Variants in EHF observed in about 807,000 individuals in gnomAD.
EHF encodes ESE3 transcription factor.
A neutral mutation model predicts 45.1 loss-of-function variants in EHF; 14 were observed. The observed-to-expected ratio is 0.31, with a 90% CI of 0.21 to 0.49. EHF has a LOEUF of 0.49. EHF is among the 20% of genes least tolerant of loss of function. The pLI, the probability that EHF is intolerant of heterozygous loss-of-function variation, is 0.99. For synonymous variants in EHF, 136 were observed against 131.8 expected (o/e 1.03, Z -0.22); for missense variants, 282 against 371.4 (o/e 0.76, Z 1.98).
At chr11:34,634,612 G>C (rs1326881613) in intron 1 of EHF, among the ~76,000 whole-genome samples, 2 of 152,180 alleles carry the variant, frequency 1.3e-5, no homozygotes, top group South Asian at 2.1e-4. Context: ...AAACCATGCT[G>C]TCTGGCCTGA....
intron 2 of EHF, among the ~76,000 whole-genome samples, chr11:34,643,065 G>GT: frequency 6.9e-6 from 1 of 145,026 alleles, no homozygotes; most frequent in South Asian, 2.1e-4. Flanking sequence ...GGAGAGAAAG[G>GT]GTATGTGTGT....
intron 1 of EHF, among the ~76,000 whole-genome samples, chr11:34,635,917 G>C (rs1853360113): frequency 6.6e-6 from 1 of 152,116 alleles, no homozygotes; most frequent in Admixed American, 6.6e-5. Flanking sequence ...TCTGCAAGCA[G>C]AGTCCAAGCC....
At chr11:34,628,581 G>A (rs948697742) in intron 1 of EHF, among the ~76,000 whole-genome samples, 1 of 152,170 alleles carries the variant, frequency 6.6e-6, no homozygotes, top group Admixed American at 6.5e-5. Flanking sequence ...CTGCCTATGG[G>A]TAGCCTTGGA....
intron 1 of EHF, among the ~76,000 whole-genome samples, chr11:34,632,007 G>A (rs141126727): frequency 3.9e-4 from 59 of 152,244 alleles, no homozygotes; most frequent in African/African-American, 1.4e-3. Context: ...AAAGTACAAC[G>A]TCTTCTGGCT....
chr11:34,631,785 CCTAGAGA>C (rs919306448), intron 1 of EHF, among the ~76,000 whole-genome samples: 1 of 151,916 alleles, frequency 6.6e-6, no homozygotes, highest in African/African-American at 2.4e-5. Context: ...TAGGAGGTAA[CCTAGAGA>C]CTACACCTAC....
At chr11:34,657,017 C>T (rs780356357) in intron 7 of EHF, 47 bp downstream of exon 7, 6 of 1,607,116 alleles carry the variant, frequency 3.7e-6, no homozygotes, top group Admixed American at 3.4e-5. Flanking sequence ...CCCATCACAT[C>T]GGGCACATCT....
chr11:34,651,582 A>G lies in EHF; in HGVS notation c.447A>G (p.Leu149=), dbSNP rs773884865. The change falls in exon 5 of 9, where the codon TTA becomes TTG. Residue 149 remains leucine (L), a synonymous_variant. Transcript: ENST00000257831. The stretch of plus-strand genomic sequence containing the variant: ...ACACCTGGAAAGACGAGAACTATTT[A>G]TATGACACCAACTATGGTAGCACAG... ...IMNTWKDENY[L]YDTNYGSTVD... The G allele has an allele frequency of 6.2e-7, 1 of 1,614,018 alleles. No individual in the cohort carries two copies.
intron 1 of EHF, among the ~76,000 whole-genome samples, chr11:34,634,199 T>TTC (rs1286905362): frequency 6.6e-6 from 1 of 151,430 alleles, no homozygotes; most frequent in Non-Finnish European, 1.5e-5. Flanking sequence ...GATTTTTTTT[T>TTC]CTCTTATTTG....
rs937359525 is a variant in EHF, at chr11:34,659,089, T to A, written c.*158T>A. The A allele has an allele frequency of 4.9e-5, 28 of 569,232 alleles. No homozygotes were observed. In the African/African-American group the frequency reaches 5.4e-4, roughly 11 times the overall value. 35.3% of individuals were successfully genotyped at this position (569,232 alleles called of 1,614,324 possible). ...CTAACGGGAAGAAGAAACACTACGG[T>A]CGATTAAAAAAATTATTTTGTTACT... On this transcript the variant is annotated 3_prime_UTR_variant, in exon 9 of 9. Transcript: ENST00000257831.
At chr11:34,633,695 G>A (rs1171886637) in intron 1 of EHF, among the ~76,000 whole-genome samples, 1 of 152,098 alleles carries the variant, frequency 6.6e-6, no homozygotes, top group Non-Finnish European at 1.5e-5. Flanking sequence ...TTTCTTTTGA[G>A]GCCTCAAAAG....
At chr11:34,653,369 A>T (rs906615795) in intron 6 of EHF, among the ~76,000 whole-genome samples, 1 of 152,128 alleles carries the variant, frequency 6.6e-6, no homozygotes, top group African/African-American at 2.4e-5. Flanking sequence ...ATCTTGACTT[A>T]CACCTTCTAG....
chr11:34,629,622 T>G (rs1381943901), intron 1 of EHF, among the ~76,000 whole-genome samples: 1 of 152,222 alleles, frequency 6.6e-6, no homozygotes, highest in African/African-American at 2.4e-5. Flanking sequence ...TATAGACTGT[T>G]CCAAAATTCA....
rs950786050 is a variant in EHF at position 34,651,927 on chromosome 11, A to T, written c.544+122A>T. ...TTCTAATTAAAGGGCTAGGAAAGGG[A>T]TGGGGTTACCATTAGACGAGGTTTG... is the stretch of plus-strand genomic sequence containing the variant. On this transcript the variant is annotated intron_variant, in intron 6 of 8. Transcript: ENST00000257831. 9 of 969,604 alleles carry T rather than the reference A, an allele frequency of 9.3e-6. No individual in the cohort carries two copies. The African/African-American group carries it at 9.8e-5, about 11-fold the overall frequency. 60.1% of individuals were successfully genotyped at this position (969,604 alleles called of 1,614,324 possible).
At chr11:34,634,379 C>A (rs1853191827) in intron 1 of EHF, among the ~76,000 whole-genome samples, 1 of 152,220 alleles carries the variant, frequency 6.6e-6, no homozygotes, top group South Asian at 2.1e-4. Context: ...GGACTAATTG[C>A]TCCTTTGGCT....
intron 3 of EHF, among the ~76,000 whole-genome samples, chr11:34,647,084 A>ACCC (rs143509295): frequency 1.4e-4 from 19 of 137,048 alleles, no homozygotes; most frequent in African/African-American, 5.2e-4. Context: ...ACAAAACAAA[A>ACCC]CCCCCCCCAC....
chr11:34,645,067 C>T (rs942311828), intron 2 of EHF, among the ~76,000 whole-genome samples: 2 of 152,136 alleles, frequency 1.3e-5, no homozygotes, highest in African/African-American at 4.8e-5. Flanking sequence ...ATAGTCTTTG[C>T]CCCTTGCCCC....
At chr11:34,635,660 C>G (rs914728419) in intron 1 of EHF, among the ~76,000 whole-genome samples, 1 of 148,804 alleles carries the variant, frequency 6.7e-6, no homozygotes, top group African/African-American at 2.5e-5. Flanking sequence ...TAGCCGTTCT[C>G]TATCAGGAGC....
intron 1 of EHF, among the ~76,000 whole-genome samples, chr11:34,634,670 C>A (rs765004213): frequency 3.9e-5 from 6 of 152,054 alleles, no homozygotes; most frequent in Non-Finnish European, 7.4e-5. Flanking sequence ...GTCGATTTCC[C>A]AAATACAAAA....
At chr11:34,652,515 G>T (rs1855270182) in intron 6 of EHF, among the ~76,000 whole-genome samples, 1 of 152,160 alleles carries the variant, frequency 6.6e-6, no homozygotes, top group African/African-American at 2.4e-5. Context: ...CTACAAATAG[G>T]TGCATTGGCG....
Sources: gnomAD v4.1 joint callset for allele counts (sites outside exome capture counted in the v4.1 genomes callset) on GRCh38, gnomAD v4.1.1 for gene constraint, MANE v1.5 for transcripts, NCBI Gene and HGNC (gene_info 2026-07-23, HGNC 2026-07-21) for gene names.